Variants in HOTAIR observed in about 807,000 individuals in gnomAD.
The protein encoded by HOTAIR is HOX transcript antisense RNA (non-protein coding).
At chr12:53,970,987 C>T (rs1465617869) in intron 1 of HOTAIR, among the ~76,000 whole-genome samples, 1 of 152,160 alleles carries the variant, frequency 6.6e-6, no homozygotes. Context: ...AGGGGTACCT[C>T]TCGCTTCCCT....
chr12:53,974,934 C>T (rs1266257883), exon 1 of HOTAIR: 3 of 504,078 alleles, frequency 6.0e-6, no homozygotes, highest in South Asian at 5.4e-5. Context: ...CCCTGTCAGC[C>T]GCGGCTCTCG....
In HOTAIR at chr12:53,973,501, A is replaced by G; in HGVS notation, n.59+1397T>C. The G allele has an allele frequency of 6.2e-7, 1 of 1,614,012 alleles. No individual in the cohort carries two copies. Among genetic ancestry groups the G allele is most frequent in the Non-Finnish European group, 8.5e-7 (1 of 1,180,000 alleles). ...CCATCCGGCAAGTGGCACCATCGGAACAGCTACTCCTCCTGCTATGCGGCG... is the reference window on the plus strand; with the variant it reads ...CCATCCGGCAAGTGGCACCATCGGAGCAGCTACTCCTCCTGCTATGCGGCG... On this transcript the variant is annotated intron_variant and non_coding_transcript_variant, in intron 1 of 6. Coordinates refer to ENST00000424518, the Ensembl canonical transcript of HOTAIR. The surrounding 1 kb of genome is among the most constrained non-coding windows in gnomAD (Gnocchi z 4.3).
Position 53,973,884 on chromosome 12 carries a change from C to G in HOTAIR, n.59+1014G>C. On this transcript the variant is annotated intron_variant and non_coding_transcript_variant, in intron 1 of 6. Coordinates refer to ENST00000424518, the Ensembl canonical transcript of HOTAIR. The surrounding 1 kb of genome is among the most constrained non-coding windows in gnomAD (Gnocchi z 4.3). ...AAATCCCAGCTCGTCCGGTTCAGCC[C>G]ACTCCGTGGCCAAGGAGCCGGCCAA... 7.6e-6 allele frequency: 11 copies of G among 1,453,402 alleles called. No homozygotes were observed. The highest frequency in any genetic ancestry group is 1.0e-5 in the Non-Finnish European group (11 of 1,102,410). 90.0% of individuals were successfully genotyped at this position (1,453,402 alleles called of 1,614,324 possible). A position where few individuals can be genotyped will look rare whatever the true frequency, so the allele number is the denominator to read the frequency against.
Position 53,973,764 on chromosome 12 carries a change from G to T in HOTAIR, n.59+1134C>A, listed in dbSNP as rs776956613. On this transcript the variant is annotated intron_variant and non_coding_transcript_variant, in intron 1 of 6. Coordinates refer to ENST00000424518, the Ensembl canonical transcript of HOTAIR. This position sits in a 1 kb window ranked among gnomAD's most constrained non-coding sequence, Gnocchi z 4.3. Reference sequence around the variant, plus strand: ...CGCCGAGCCCCCCTGCTCCGGCAAGGGCGAGGCCAAGGGGGAGCCCGAGGC... The same window carrying T: ...CGCCGAGCCCCCCTGCTCCGGCAAGTGCGAGGCCAAGGGGGAGCCCGAGGC... 11 of 1,611,960 alleles carry T rather than the reference G, an allele frequency of 6.8e-6. No homozygotes were observed. The South Asian group carries it at 9.9e-5, about 14-fold the overall frequency.
chr12:53,967,760 G>C (rs919445267), intron 2 of HOTAIR, among the ~76,000 whole-genome samples: 2 of 152,194 alleles, frequency 1.3e-5, no homozygotes, highest in African/African-American at 4.8e-5. Flanking sequence ...CCCCTAGTGT[G>C]GGAAAGATAG....
chr12:53,973,947 G>T lies in HOTAIR; in HGVS notation n.59+951C>A, dbSNP rs1052991036. On this transcript the variant is annotated intron_variant and non_coding_transcript_variant, in intron 1 of 6. Transcript: ENST00000424518. The surrounding 1 kb of genome is among the most constrained non-coding windows in gnomAD (Gnocchi z 4.3). ...CAGTAGGTAGCAGCGGCCGGGGAAC[G>T]GGCGGGCAGCGAGGGAGGGAGCGAG... 2 of 1,434,946 alleles carry T rather than the reference G, an allele frequency of 1.4e-6. No individual in the cohort carries two copies. The highest frequency in any genetic ancestry group is 1.5e-5 in the African/African-American group (1 of 68,896). The allele number at this position is 1,434,946 out of a possible 1,614,324, so 88.9% of individuals were successfully genotyped here.
intron 1 of HOTAIR, among the ~76,000 whole-genome samples, chr12:53,969,606 G>A (rs927362286): frequency 6.6e-6 from 1 of 152,202 alleles, no homozygotes; most frequent in African/African-American, 2.4e-5. Context: ...ATACTAAAGG[G>A]ATTATTGCAG....
intron 1 of HOTAIR, among the ~76,000 whole-genome samples, chr12:53,970,674 G>T (rs1171466930): frequency 2.0e-5 from 3 of 152,156 alleles, no homozygotes. Flanking sequence ...ATTCTTTCTT[G>T]CATTTCTTTT....
At chr12:53,965,980 CG>C (rs1010845288) in exon 5 of HOTAIR, 1 of 152,056 alleles carries the variant, frequency 6.6e-6, no homozygotes, top group African/African-American at 2.4e-5. Context: ...AGGAAGGCGC[CG>C]GTCCTCCATT....
chr12:53,966,150 C>CG (rs1565711847), intron 4 of HOTAIR: 1 of 152,154 alleles, frequency 6.6e-6, no homozygotes, highest in African/African-American at 2.4e-5. Flanking sequence ...ATGAAGACTC[C>CG]GGGAAACTTT....
Position 53,973,502 on chromosome 12 carries a change from C to A in HOTAIR, n.59+1396G>T. ...CATCCGGCAAGTGGCACCATCGGAA[C>A]AGCTACTCCTCCTGCTATGCGGCGG... On this transcript the variant is annotated intron_variant and non_coding_transcript_variant, in intron 1 of 6. Coordinates refer to ENST00000424518, the Ensembl canonical transcript of HOTAIR. This position sits in a 1 kb window ranked among gnomAD's most constrained non-coding sequence, Gnocchi z 4.3. The A allele has an allele frequency of 6.2e-7, 1 of 1,614,136 alleles. No individual in the cohort carries two copies. The highest frequency in any genetic ancestry group is 8.5e-7 in the Non-Finnish European group (1 of 1,180,030).
chr12:53,972,662 G>A (rs901591060), intron 1 of HOTAIR, among the ~76,000 whole-genome samples: 16 of 152,280 alleles, frequency 1.1e-4, no homozygotes, highest in East Asian at 1.9e-4. Context: ...GTGTCTCTGC[G>A]GGTTGGAAGG....
At chr12:53,967,622 G>C (rs562374380) in intron 2 of HOTAIR, among the ~76,000 whole-genome samples, 82 of 152,322 alleles carry the variant, frequency 5.4e-4, no homozygotes, top group African/African-American at 1.9e-3. Flanking sequence ...GCTCTCTTTG[G>C]CAGTATCTAG....
In HOTAIR at chr12:53,964,644, GGAGA is replaced by G. The variant is rs567596413; in HGVS notation, n.552-365_552-362del. On this transcript the variant is annotated intron_variant and non_coding_transcript_variant, in intron 5 of 6. Transcript: ENST00000424518. ...TGCAATTATTCGGATAATTGTAGAG[GGAGA>G]GAGAGAAAGTATTTCTCTTTTATTG... is the stretch of plus-strand genomic sequence containing the variant. Among the ~76,000 whole-genome samples the G allele has an allele frequency of 2.1e-3, 324 of 152,266 alleles. 1 individual carries two copies. The highest frequency in any genetic ancestry group is 7.3e-3 in the African/African-American group (305 of 41,540).
intron 5 of HOTAIR, among the ~76,000 whole-genome samples, chr12:53,965,645 A>G (rs574431255): frequency 6.6e-6 from 1 of 152,340 alleles, no homozygotes; most frequent in South Asian, 2.1e-4. Flanking sequence ...GCCTGAGAAC[A>G]AGGCAAGAGA....
intron 3 of HOTAIR, among the ~76,000 whole-genome samples, chr12:53,966,820 C>T (rs1384786650): frequency 5.6e-5 from 1 of 17,798 alleles, no homozygotes; most frequent in African/African-American, 7.3e-5. Flanking sequence ...AAGGCAGCGC[C>T]GCAGCCGGCC....
intron 1 of HOTAIR, among the ~76,000 whole-genome samples, chr12:53,971,883 G>C (rs1177542801): frequency 6.6e-6 from 1 of 152,256 alleles, no homozygotes; most frequent in Non-Finnish European, 1.5e-5. Context: ...AGCTATCCAG[G>C]AGGCTGACAG....
exon 1 of HOTAIR, chr12:53,974,944 G>A (rs1351002529): frequency 1.9e-6 from 1 of 524,384 alleles, no homozygotes; most frequent in African/African-American, 2.0e-5. Flanking sequence ...CGCGGCTCTC[G>A]CCTGAGAACT....
At chr12:53,967,579 G>A (rs961053332) in intron 2 of HOTAIR, among the ~76,000 whole-genome samples, 1 of 152,232 alleles carries the variant, frequency 6.6e-6, no homozygotes, top group Admixed American at 6.5e-5. Flanking sequence ...GGGCTGGAGG[G>A]GTAGCCGGGA....
Sources: gnomAD v4.1 joint callset for allele counts (sites outside exome capture counted in the v4.1 genomes callset) on GRCh38, gnomAD v4.1.1 for gene constraint, Gnocchi (gnomAD v3.1) non-coding constraint, MANE v1.5 for transcripts, NCBI Gene and HGNC (gene_info 2026-07-23, HGNC 2026-07-21) for gene names.